Variants in PPP1R11 observed in about 807,000 individuals in gnomAD.
PPP1R11 encodes the protein protein phosphatase 1 regulatory inhibitor subunit 11.
In PPP1R11, 10 loss-of-function variants were observed where a neutral mutation model predicts 11.3. The ratio of observed to expected loss-of-function variants is 0.88; its 90% CI spans 0.55 to 1.50. The LOEUF (loss-of-function observed/expected upper bound fraction) is 1.50, where lower values mean the gene tolerates loss of function less well. Among genes scored for constraint, PPP1R11 ranks in the 40% most tolerant of loss-of-function variants. The pLI is 0.00. For synonymous variants in PPP1R11, 56 were observed against 62.3 expected, an observed-to-expected ratio of 0.90 and a Z score of 0.48; for missense variants, 114 against 179.1, an observed-to-expected ratio of 0.64 and a Z score of 2.07.
upstream of PPP1R11, chr6:30,061,866 T>A (rs1208322480): frequency 6.3e-7 from 1 of 1,594,546 alleles, no homozygotes. The surrounding 1 kb of genome is among the most constrained non-coding windows in gnomAD (Gnocchi z 5.0). Context: ...AGGTTTCCGG[T>A]GTCAGCTCTC....
At chr6:30,062,134 C>A, upstream of PPP1R11, 1 of 1,447,330 alleles carries the variant, frequency 6.9e-7, no homozygotes, top group South Asian at 1.1e-5. Flanking sequence ...GAGATGTAAA[C>A]CATCGACGTT....
upstream of PPP1R11, chr6:30,062,368 TTTGC>T (rs749450660): frequency 7.1e-7 from 1 of 1,404,406 alleles, no homozygotes; most frequent in East Asian, 2.3e-5. Flanking sequence ...GCTCAGTCTG[TTTGC>T]TAACTAAACA....
upstream of PPP1R11, among the ~76,000 whole-genome samples, chr6:30,063,813 C>T (rs1376597032): frequency 1.3e-5 from 2 of 152,160 alleles, no homozygotes; most frequent in African/African-American, 4.8e-5. The surrounding 1 kb of genome is among the most constrained non-coding windows in gnomAD (Gnocchi z 4.1). Flanking sequence ...TTCTTGGCTT[C>T]ATGTTTTTTG....
Position 30,067,424 on chromosome 6 carries a change from G to T in PPP1R11, c.14G>T (p.Gly5Val), listed in dbSNP as rs764737949. MAEA[G>V]AGLSETVTET... is the part of the protein sequence containing the mutation. ...TGAGCCTTAGCCATGGCCGAGGCAG[G>T]GGCTGGGCTGAGCGAGACCGTCACT... is the stretch of plus-strand genomic sequence containing the variant. The change falls in exon 1 of 3, where the codon GGG becomes GTG. Residue 5 changes from glycine to valine, a missense_variant. By Grantham distance (109) the Gly-to-Val change is moderately radical. Transcript: ENST00000376772. 6.2e-7 allele frequency: 1 copy of T among 1,614,040 alleles called. No homozygotes were observed. Among genetic ancestry groups the T allele is most frequent in the African/African-American group, 1.3e-5 (1 of 74,914 alleles).
At chr6:30,062,714 C>CCTTTTTTT (rs749507630), upstream of PPP1R11, among the ~76,000 whole-genome samples, 68 of 42,390 alleles carry the variant, frequency 1.6e-3, 4 homozygotes, top group Middle Eastern at 0.016. Flanking sequence ...CCACGCCTGG[C>CCTTTTTTT]TTTTTTTTTT....
In PPP1R11 at chr6:30,069,466, A is replaced by C; in HGVS notation, c.*160A>C. 1 of 604,030 alleles carries C rather than the reference A, an allele frequency of 1.7e-6. No individual in the cohort carries two copies. Among genetic ancestry groups the C allele is most frequent in the South Asian group, 3.1e-5 (1 of 32,258 alleles). The allele number at this position is 604,030 out of a possible 1,614,324, so 37.4% of individuals were successfully genotyped here. On this transcript the variant is annotated 3_prime_UTR_variant, in exon 3 of 3. Transcript: ENST00000376772. This position sits in a 1 kb window ranked among gnomAD's most constrained non-coding sequence, Gnocchi z 6.6. Reference sequence around the variant, plus strand: ...AATTCTGACTTGCTGCTATTCCAGAACCCAGCCTCCTGGGTTTCCCCAGTC... The same window carrying C: ...AATTCTGACTTGCTGCTATTCCAGACCCCAGCCTCCTGGGTTTCCCCAGTC...
At chr6:30,061,890 A>G (rs745401718), upstream of PPP1R11, 119 of 1,610,786 alleles carry the variant, frequency 7.4e-5, no homozygotes, top group Non-Finnish European at 8.9e-5. The surrounding 1 kb of genome is among the most constrained non-coding windows in gnomAD (Gnocchi z 5.0). Flanking sequence ...GGTTGTCTCC[A>G]TAACCAGTTC....
intron 2 of PPP1R11, 47 bp downstream of exon 2, chr6:30,068,745 C>A: frequency 6.6e-7 from 1 of 1,509,474 alleles, no homozygotes; most frequent in South Asian, 1.1e-5. Flanking sequence ...TGGCTCCCTT[C>A]AGCATATCTT....
At chr6:30,061,430 C>T in the PPP1R11 span, 2 of 1,464,456 alleles carry the variant, frequency 1.4e-6, no homozygotes, top group Non-Finnish European at 1.9e-6. The surrounding 1 kb of genome is among the most constrained non-coding windows in gnomAD (Gnocchi z 5.0). Context: ...GTTATATACT[C>T]CTAGGTCCTG....
In PPP1R11 at chr6:30,069,425, C is replaced by G; in HGVS notation, c.*119C>G. 1 of 827,808 alleles carries G rather than the reference C, an allele frequency of 1.2e-6. No homozygotes were observed. The highest frequency in any genetic ancestry group is 1.8e-6 in the Non-Finnish European group (1 of 548,710). 51.3% of individuals were successfully genotyped at this position (827,808 alleles called of 1,614,324 possible). A position where few individuals can be genotyped will look rare whatever the true frequency, so the allele number is the denominator to read the frequency against. On this transcript the variant is annotated 3_prime_UTR_variant, in exon 3 of 3. Coordinates refer to ENST00000376772, the MANE Select transcript of PPP1R11 (RefSeq NM_021959.3). This position sits in a 1 kb window ranked among gnomAD's most constrained non-coding sequence, Gnocchi z 6.6. ...GATAGAGGGAAGAGGAAGAGGAGGA[C>G]GAACAGAGATCCTGAAATTCTGACT...
upstream of PPP1R11, chr6:30,064,685 G>A: frequency 6.2e-7 from 1 of 1,608,882 alleles, no homozygotes; most frequent in Non-Finnish European, 8.5e-7. Flanking sequence ...TCCAGGAGAA[G>A]GAAGACTCTT....
upstream of PPP1R11, among the ~76,000 whole-genome samples, chr6:30,063,979 A>G (rs1030070849): frequency 2.0e-5 from 3 of 152,140 alleles, no homozygotes; most frequent in Non-Finnish European, 4.4e-5. This position sits in a 1 kb window ranked among gnomAD's most constrained non-coding sequence, Gnocchi z 4.1. Context: ...GTTCACTTTT[A>G]CAAGAAAGGG....
At chr6:30,061,741 G>C, upstream of PPP1R11, 1 of 1,598,444 alleles carries the variant, frequency 6.3e-7, no homozygotes, top group Non-Finnish European at 8.5e-7. The surrounding 1 kb of genome is among the most constrained non-coding windows in gnomAD (Gnocchi z 5.0). Context: ...AAGATCGGTT[G>C]GGTTGAGGAG....
At chr6:30,064,409 C>T (rs1418740629), upstream of PPP1R11, among the ~76,000 whole-genome samples, 2 of 151,380 alleles carry the variant, frequency 1.3e-5, no homozygotes, top group Non-Finnish European at 2.9e-5. Flanking sequence ...TAAGGTTCAG[C>T]TTATCCTTTT....
rs1765827134 is a variant in PPP1R11, at chr6:30,070,281, A to C, written c.*975A>C. On this transcript the variant is annotated 3_prime_UTR_variant, in exon 3 of 3. Coordinates refer to ENST00000376772, the MANE Select transcript of PPP1R11 (RefSeq NM_021959.3). ...ATCAGTCAAATCCATACCACCACTGAGATCTCATTTATTGCCACAGATGCA... is the reference window on the plus strand; with the variant it reads ...ATCAGTCAAATCCATACCACCACTGCGATCTCATTTATTGCCACAGATGCA... 6.4e-6 allele frequency: 1 copy of C among 156,718 alleles called. No homozygotes were observed. The highest frequency in any genetic ancestry group is 1.4e-5 in the Non-Finnish European group (1 of 70,598). The allele number at this position is 156,718 out of a possible 1,614,324, so 9.7% of individuals were successfully genotyped here.
upstream of PPP1R11, chr6:30,062,251 C>G (rs767431311): frequency 6.2e-7 from 1 of 1,613,006 alleles, no homozygotes; most frequent in Admixed American, 1.7e-5. Context: ...TCGATGTGGT[C>G]ATGAAGGAAT....
Position 30,069,346 on chromosome 6 carries a change from T to C in PPP1R11, c.*40T>C, listed in dbSNP as rs540656192. ...CAGCATTCCTGTGTCTGTCTGGCCC[T>C]AAATGTATCCATGTGGCTACTTCTC... On this transcript the variant is annotated 3_prime_UTR_variant, in exon 3 of 3. Transcript: ENST00000376772. This position sits in a 1 kb window ranked among gnomAD's most constrained non-coding sequence, Gnocchi z 6.6. The C allele has an allele frequency of 3.4e-6, 5 of 1,464,652 alleles. No homozygotes were observed. In the African/African-American group the frequency reaches 5.6e-5, roughly 16 times the overall value. The allele number at this position is 1,464,652 out of a possible 1,614,324, so 90.7% of individuals were successfully genotyped here. A position where few individuals can be genotyped will look rare whatever the true frequency, so the allele number is the denominator to read the frequency against.
intron 1 of PPP1R11, chr6:30,068,352 A>C (rs1028959717): frequency 5.4e-6 from 2 of 373,276 alleles, no homozygotes; most frequent in Non-Finnish European, 9.6e-6. Context: ...GACCTTTCCT[A>C]GGTTAGGAAT....
the PPP1R11 span, chr6:30,061,411 A>G: frequency 2.5e-6 from 3 of 1,214,382 alleles, no homozygotes; most frequent in Non-Finnish European, 1.1e-6. This position sits in a 1 kb window ranked among gnomAD's most constrained non-coding sequence, Gnocchi z 5.0. Flanking sequence ...GCGTGGCAGG[A>G]GGGTTCGGGT....
Sources: gnomAD v4.1 joint callset for allele counts (sites outside exome capture counted in the v4.1 genomes callset) on GRCh38, gnomAD v4.1.1 for gene constraint, Gnocchi (gnomAD v3.1) non-coding constraint, MANE v1.5 for transcripts, NCBI Gene and HGNC (gene_info 2026-07-23, HGNC 2026-07-21) for gene names.